Variants in TMEM163 observed in about 807,000 individuals in gnomAD.
TMEM163 encodes the protein transmembrane protein 163.
Under a neutral mutation model 29.3 loss-of-function variants are expected in TMEM163, and 17 were observed. The ratio of observed to expected loss-of-function variants is 0.58; its 90% CI spans 0.40 to 0.87. The LOEUF (loss-of-function observed/expected upper bound fraction) is 0.87. Among genes scored for constraint, TMEM163 ranks in the 40% least tolerant of loss-of-function variants. TMEM163 has a pLI of 0.00. For synonymous variants in TMEM163, 157 were observed against 160.6 expected, an observed-to-expected ratio of 0.98 and a Z score of 0.17; for missense variants, 303 against 381.5, an observed-to-expected ratio of 0.79 and a Z score of 1.71.
intron 2 of TMEM163, among the ~76,000 whole-genome samples, chr2:134,650,530 T>C (rs62169033): frequency 7.3e-6 from 1 of 137,728 alleles, no homozygotes; most frequent in Non-Finnish European, 1.5e-5. Flanking sequence ...GTTTGTTTGT[T>C]TGTTTTGTTT....
At chr2:134,696,703 A>G (rs1290440621) in intron 2 of TMEM163, among the ~76,000 whole-genome samples, 2 of 152,188 alleles carry the variant, frequency 1.3e-5, no homozygotes, top group African/African-American at 4.8e-5. Context: ...ATAAGAATAC[A>G]TTTGATTTTA....
chr2:134,593,169 C>A (rs574965615), intron 2 of TMEM163, among the ~76,000 whole-genome samples: 5 of 152,222 alleles, frequency 3.3e-5, no homozygotes, highest in Admixed American at 3.3e-4. Context: ...AGAGGTGGAC[C>A]AGAACTTGAG....
At chr2:134,514,008 G>A (rs1451945353) in intron 4 of TMEM163, among the ~76,000 whole-genome samples, 1 of 152,166 alleles carries the variant, frequency 6.6e-6, no homozygotes, top group African/African-American at 2.4e-5. Flanking sequence ...ACTCAAACCA[G>A]GCAGAAGCTC....
intron 2 of TMEM163, among the ~76,000 whole-genome samples, chr2:134,650,521 TTTG>T (rs1049171758): frequency 4.8e-4 from 42 of 87,318 alleles, no homozygotes; most frequent in African/African-American, 1.1e-3. Flanking sequence ...TGTTTGTTTG[TTTG>T]TTTGTTTGTT....
chr2:134,621,912 A>G (rs1322169116), intron 2 of TMEM163, among the ~76,000 whole-genome samples: 1 of 151,582 alleles, frequency 6.6e-6, no homozygotes, highest in African/African-American at 2.4e-5. Context: ...AATAAAAAAT[A>G]AAAAAAAACT....
intron 2 of TMEM163, among the ~76,000 whole-genome samples, chr2:134,604,451 A>C (rs1302147225): frequency 2.1e-5 from 3 of 144,302 alleles, no homozygotes; most frequent in Admixed American, 6.9e-5. Context: ...AAAAAAAAAA[A>C]CCTCAAAATA....
chr2:134,557,175 G>A (rs904425936), intron 2 of TMEM163, among the ~76,000 whole-genome samples: 1 of 152,242 alleles, frequency 6.6e-6, no homozygotes, highest in Non-Finnish European at 1.5e-5. Flanking sequence ...AAGGAAGCAG[G>A]AGGAGAGTTA....
intron 2 of TMEM163, among the ~76,000 whole-genome samples, chr2:134,674,559 C>T (rs1488887776): frequency 1.3e-5 from 2 of 151,412 alleles, no homozygotes; most frequent in African/African-American, 4.9e-5. Flanking sequence ...GGGGTTTCAC[C>T]ATGTTGGCCA....
intron 5 of TMEM163, among the ~76,000 whole-genome samples, chr2:134,501,277 C>T (rs970979378): frequency 6.6e-6 from 1 of 152,128 alleles, no homozygotes; most frequent in African/African-American, 2.4e-5. Flanking sequence ...GATATGTACA[C>T]CTTGAGGGGG....
intron 2 of TMEM163, among the ~76,000 whole-genome samples, chr2:134,615,980 A>T (rs1682601772): frequency 6.6e-6 from 1 of 152,120 alleles, no homozygotes; most frequent in African/African-American, 2.4e-5. Flanking sequence ...TTCAGTGGAA[A>T]TTTTAAACAA....
intron 4 of TMEM163, among the ~76,000 whole-genome samples, chr2:134,545,150 C>A (rs74783496): frequency 0.011 from 1,629 of 152,274 alleles, 30 homozygotes; most frequent in African/African-American, 0.036. Context: ...GAGGTCACGA[C>A]GTTAAGTAAA....
chr2:134,668,220 T>C (rs767088425), intron 2 of TMEM163, among the ~76,000 whole-genome samples: 2 of 152,306 alleles, frequency 1.3e-5, no homozygotes. Context: ...TTTATAACCA[T>C]GTGTCCCCAG....
chr2:134,486,869 G>A (rs1679324700), intron 5 of TMEM163, among the ~76,000 whole-genome samples: 1 of 152,108 alleles, frequency 6.6e-6, no homozygotes, highest in South Asian at 2.1e-4. Flanking sequence ...ACCAAAGAGG[G>A]TTTATCCCAA....
intron 5 of TMEM163, among the ~76,000 whole-genome samples, chr2:134,491,020 T>C (rs12478081): frequency 0.11 from 17,492 of 152,242 alleles, 1,244 homozygotes; most frequent in South Asian, 0.2. Context: ...TTTTAAAACA[T>C]CTTCTTTCTT....
chr2:134,560,330 C>T (rs145077044), intron 2 of TMEM163, among the ~76,000 whole-genome samples: 1 of 152,294 alleles, frequency 6.6e-6, no homozygotes, highest in Non-Finnish European at 1.5e-5. Context: ...TGTTTGTTCC[C>T]TGATGTATCC....
At chr2:134,597,440 T>A (rs373161012) in intron 2 of TMEM163, among the ~76,000 whole-genome samples, 118 of 148,824 alleles carry the variant, frequency 7.9e-4, no homozygotes, top group Non-Finnish European at 1.4e-3. Flanking sequence ...ATGTTGAACC[T>A]GCCTTGCATC....
intron 2 of TMEM163, among the ~76,000 whole-genome samples, chr2:134,614,697 T>C (rs967011031): frequency 1.3e-5 from 2 of 152,100 alleles, no homozygotes; most frequent in Middle Eastern, 3.4e-3. Flanking sequence ...CTACTAAAAA[T>C]ACAAGAATTA....
intron 2 of TMEM163, among the ~76,000 whole-genome samples, chr2:134,564,441 T>C (rs1447343391): frequency 1.3e-5 from 2 of 152,166 alleles, no homozygotes; most frequent in Non-Finnish European, 2.9e-5. Flanking sequence ...AAATAGAATA[T>C]TGGCATGGAG....
At chr2:134,490,717 C>A (rs906994388) in intron 5 of TMEM163, among the ~76,000 whole-genome samples, 1 of 152,048 alleles carries the variant, frequency 6.6e-6, no homozygotes, top group Non-Finnish European at 1.5e-5. Context: ...CCCAAGTGAC[C>A]ACATGGCTCC....
Sources: allele counts gnomAD v4.1 joint callset (sites outside exome capture counted in the v4.1 genomes callset), GRCh38; gene constraint gnomAD v4.1.1; transcripts MANE v1.5; gene names NCBI Gene and HGNC (gene_info 2026-07-23, HGNC 2026-07-21).